The following FAM135A variants were observed in gnomAD, a reference collection of about 807,000 sequenced individuals.
FAM135A encodes the protein protein FAM135A.
Under a neutral mutation model 146.8 loss-of-function variants are expected in FAM135A, and 79 were observed. The ratio of observed to expected loss-of-function variants is 0.54; its 90% CI spans 0.45 to 0.65. FAM135A has a LOEUF of 0.65. Ranked by LOEUF, FAM135A falls within the 30% of genes least tolerant of loss-of-function variation. FAM135A has a pLI of 0.00. For missense variants in FAM135A, 1,623 were observed against 1,758.2 expected, an observed-to-expected ratio of 0.92 and a Z score of 1.38; for synonymous variants, 562 against 603.6, an observed-to-expected ratio of 0.93 and a Z score of 1.01.
At chr6:70,439,663 C>T (rs906540063) in intron 4 of FAM135A, among the ~76,000 whole-genome samples, 3 of 152,112 alleles carry the variant, frequency 2.0e-5, no homozygotes, top group Non-Finnish European at 2.9e-5. Flanking sequence ...TATGTCCGCT[C>T]TTCATTTGCT....
intron 10 of FAM135A, among the ~76,000 whole-genome samples, chr6:70,485,730 C>A (rs1784499334): frequency 6.6e-6 from 1 of 152,066 alleles, no homozygotes; most frequent in Admixed American, 6.5e-5. Flanking sequence ...TTGCCTTTCT[C>A]TTTTCTCCCA....
chr6:70,510,709 A>C (rs1271663529), intron 12 of FAM135A, among the ~76,000 whole-genome samples: 4 of 152,080 alleles, frequency 2.6e-5, no homozygotes, highest in African/African-American at 7.2e-5. Context: ...ACTACTATGA[A>C]TAGTTGCTGG....
intron 12 of FAM135A, among the ~76,000 whole-genome samples, chr6:70,505,550 A>C (rs1022601767): frequency 6.6e-6 from 1 of 151,964 alleles, no homozygotes; most frequent in South Asian, 2.1e-4. Context: ...TTTTTCAATC[A>C]GTTTTGGTAA....
chr6:70,546,381 A>T (rs562915750), intron 20 of FAM135A, among the ~76,000 whole-genome samples: 1 of 152,230 alleles, frequency 6.6e-6, no homozygotes, highest in South Asian at 2.1e-4. Flanking sequence ...GTTCTTTTGG[A>T]AAAGCCTAAA....
chr6:70,523,842 A>G, intron 13 of FAM135A, 125 bp from the exon 14 acceptor site: 1 of 863,004 alleles, frequency 1.2e-6, no homozygotes, highest in Non-Finnish European at 1.7e-6. Context: ...GCTCTCTCAT[A>G]AGAAGGTTAT....
intron 15 of FAM135A, 68 bp downstream of exon 15, chr6:70,526,766 TACACACACACACACACACACACACACAC>T: frequency 4.4e-6 from 2 of 451,508 alleles, no homozygotes; most frequent in Middle Eastern, 5.8e-4. Flanking sequence ...CACACACACA[TACACACACACACACACACACACACACAC>T]ACACACACAT....
At chr6:70,529,144 G>T (rs546740985) in intron 16 of FAM135A, among the ~76,000 whole-genome samples, 33 of 151,700 alleles carry the variant, frequency 2.2e-4, no homozygotes, top group African/African-American at 8.0e-4. Context: ...TAAACTTTGT[G>T]TGCTAGAAAA....
At chr6:70,540,398 C>T (rs973566466) in intron 20 of FAM135A, among the ~76,000 whole-genome samples, 4 of 144,714 alleles carry the variant, frequency 2.8e-5, no homozygotes, top group South Asian at 2.2e-4. Flanking sequence ...GATCTCGGCT[C>T]GCTGCAAGCT....
intron 12 of FAM135A, chr6:70,503,693 C>T (rs555468389): frequency 6.6e-6 from 1 of 152,110 alleles, no homozygotes; most frequent in East Asian, 1.9e-4. Context: ...TATGTATGCA[C>T]ACTAAATAGA....
chr6:70,429,731 C>T (rs774322853), intron 4 of FAM135A, among the ~76,000 whole-genome samples: 1 of 152,006 alleles, frequency 6.6e-6, no homozygotes, highest in Non-Finnish European at 1.5e-5. Context: ...TAAGCACTTA[C>T]TAACATGATG....
In FAM135A at chr6:70,450,716, G is replaced by GTTTTTTTTTTTTTTTTT. The variant is rs546674936; in HGVS notation, c.78-1750_78-1734dup. Among the ~76,000 whole-genome samples the GTTTTTTTTTTTTTTTTT allele has an allele frequency of 4.6e-4, 13 of 28,348 alleles. 5 individuals carry two copies. Among genetic ancestry groups the GTTTTTTTTTTTTTTTTT allele is most frequent in the Admixed American group, 1.2e-3 (2 of 1,664 alleles). 18.6% of individuals were successfully genotyped at this position (28,348 alleles called of 152,430 possible). A position where few individuals can be genotyped will look rare whatever the true frequency, so the allele number is the denominator to read the frequency against. On this transcript the variant is annotated intron_variant, in intron 4 of 21. Coordinates refer to ENST00000418814, the MANE Select transcript of FAM135A (RefSeq NM_001162529.3). ...CTCAGGGAGTGTGACCCTTTTAGTT[G>GTTTTTTTTTTTTTTTTT]TTTTTTTTTTTTTTTTTTTTTTTTT...
At position 70,526,253 on chromosome 6, in the gene FAM135A, G is replaced by C; in HGVS notation, c.3169G>C (p.Val1057Leu). Residue 1057 changes from valine (V) to leucine (L), a missense_variant, in exon 15 of 22, where the codon GTT becomes CTT. Physicochemically the swap from Val to Leu is conservative, Grantham distance 32 (BLOSUM62 1). Around this residue, in one of 7 missense-constraint regions of FAM135A, gnomAD observed 1,061 missense variants for 1,113.8 expected, o/e 0.95. Transcript: ENST00000418814. ...TACGGATATTTCTGACACATGTGCT[G>C]TTAGCTACAGCAATGCACTTAGCCC... The part of the protein sequence containing the change: ...SSTDISDTCA[V>L]SYSNALSPQK... 6.2e-7 allele frequency: 1 copy of C among 1,613,500 alleles called. No individual in the cohort carries two copies. The highest frequency in any genetic ancestry group is 1.1e-5 in the South Asian group (1 of 91,062).
At chr6:70,549,519 A>G (rs928673474) in intron 20 of FAM135A, among the ~76,000 whole-genome samples, 12 of 152,318 alleles carry the variant, frequency 7.9e-5, no homozygotes, top group Admixed American at 7.9e-4. Context: ...CCATAAAAAA[A>G]GGTGAGTCAC....
intron 12 of FAM135A, among the ~76,000 whole-genome samples, chr6:70,506,679 T>C (rs1237237547): frequency 6.6e-6 from 1 of 151,722 alleles, no homozygotes; most frequent in Non-Finnish European, 1.5e-5. Flanking sequence ...GAAATAGTTT[T>C]ACATGGGAAA....
chr6:70,450,705 C>A (rs930817642), intron 4 of FAM135A, among the ~76,000 whole-genome samples: 18 of 99,106 alleles, frequency 1.8e-4, no homozygotes, highest in Non-Finnish European at 2.9e-4. Context: ...GGGAGTGTGA[C>A]CCTTTTAGTT....
Position 70,515,873 on chromosome 6 carries a change from ACT to A in FAM135A, c.1030-6637_1030-6636del, listed in dbSNP as rs1324874553. Among the ~76,000 whole-genome samples, 3 of 151,602 alleles carry A rather than the reference ACT, an allele frequency of 2.0e-5. 1 individual carries two copies. The South Asian group carries it at 6.3e-4, about 32-fold the overall frequency. On this transcript the variant is annotated intron_variant, in intron 12 of 21. Transcript: ENST00000418814. ...GGGTGGGGAAGAGGGCAATATGGAA[ACT>A]CTTCGTACTTTCTGATCAGTTTTTC...
At chr6:70,446,834 C>G (rs538361148) in intron 4 of FAM135A, among the ~76,000 whole-genome samples, 1 of 152,148 alleles carries the variant, frequency 6.6e-6, no homozygotes, top group Non-Finnish European at 1.5e-5. Context: ...AAATTTTTTT[C>G]TAGTCCCAAA....
At chr6:70,535,570 G>T (rs1388556480) in intron 18 of FAM135A, among the ~76,000 whole-genome samples, 2 of 152,044 alleles carry the variant, frequency 1.3e-5, no homozygotes, top group Non-Finnish European at 2.9e-5. Flanking sequence ...TGCCTGAGTT[G>T]GAATAGTTTC....
At chr6:70,448,716 A>G (rs1475856988) in intron 4 of FAM135A, among the ~76,000 whole-genome samples, 1 of 152,252 alleles carries the variant, frequency 6.6e-6, no homozygotes, top group Non-Finnish European at 1.5e-5. Flanking sequence ...GCCAGTCATT[A>G]GCATTGTTTC....
Sources: gnomAD v4.1 joint callset for allele counts (sites outside exome capture counted in the v4.1 genomes callset) on GRCh38, gnomAD v4.1.1 for gene constraint, gnomAD v4.1.1 regional missense constraint, MANE v1.5 for transcripts, NCBI Gene and HGNC (gene_info 2026-07-23, HGNC 2026-07-21) for gene names.